CFAP91: variants seen among roughly 807,000 people sequenced by gnomAD.
The protein encoded by CFAP91 is cilia- and flagella-associated protein 91.
Under a neutral mutation model 95.9 loss-of-function variants are expected in CFAP91, and 85 were observed. The observed-to-expected ratio is 0.89, with a 90% CI of 0.74 to 1.06. CFAP91 has a LOEUF of 1.06. Ranked by LOEUF, CFAP91 falls within the 50% of genes least tolerant of loss-of-function variation. The pLI is 0.00. For missense variants in CFAP91, 962 were observed against 943.4 expected (o/e 1.02, Z -0.26); for synonymous variants, 335 against 327.5 (o/e 1.02, Z -0.25).
At chr3:119,753,281 G>A (rs1375729472) in intron 17 of CFAP91, among the ~76,000 whole-genome samples, 1 of 152,108 alleles carries the variant, frequency 6.6e-6, no homozygotes, top group Non-Finnish European at 1.5e-5. Context: ...CAAGGTTGGG[G>A]CCCTGGTAAA....
chr3:119,728,007 GATGATA>G (rs972316711), intron 7 of CFAP91, among the ~76,000 whole-genome samples: 85 of 149,124 alleles, frequency 5.7e-4, no homozygotes, highest in African/African-American at 2.0e-3. Context: ...TCAGATTGAT[GATGATA>G]ATGATGATGA....
intron 10 of CFAP91, among the ~76,000 whole-genome samples, chr3:119,734,083 A>T (rs530048251): frequency 3.7e-4 from 57 of 152,210 alleles, no homozygotes; most frequent in African/African-American, 1.3e-3. Context: ...ACTTGTTAAG[A>T]CACATGCAGC....
In CFAP91 at chr3:119,715,673, A is replaced by C. The variant is rs199907538; in HGVS notation, c.612A>C (p.Pro204=). 1.2e-6 allele frequency: 2 copies of C among 1,613,996 alleles called. No individual in the cohort carries two copies. The highest frequency in any genetic ancestry group is 2.2e-5 in the East Asian group (1 of 44,884). The change falls in exon 6 of 18, where the codon CCA becomes CCC. Residue 204 remains proline, a synonymous_variant. Coordinates refer to ENST00000273390, the MANE Select transcript of CFAP91 (RefSeq NM_033364.4). ...GGGATGCTGACGTTCAAACAGATCC[A>C]TACTCTGCAGAATATGTAGTATGTC... ...DYRDADVQTD[P]YSAEYVVCQD...
At chr3:119,740,822 ACT>A in intron 13 of CFAP91, 127 bp downstream of exon 13, 1 of 936,334 alleles carries the variant, frequency 1.1e-6, no homozygotes, top group Non-Finnish European at 1.6e-6. Context: ...CAATCCCATC[ACT>A]CTGTCAGCAT....
At chr3:119,714,941 T>G (rs2053546135) in intron 5 of CFAP91, among the ~76,000 whole-genome samples, 1 of 152,216 alleles carries the variant, frequency 6.6e-6, no homozygotes, top group Non-Finnish European at 1.5e-5. Context: ...TATAGTCTCA[T>G]TTTTACATTA....
chr3:119,741,992 T>G (rs9870607), intron 13 of CFAP91, among the ~76,000 whole-genome samples: 2,411 of 151,998 alleles, frequency 0.016, 59 homozygotes, highest in African/African-American at 0.055. Flanking sequence ...AGTCCTAGAG[T>G]CCTGGAAAAG....
intron 5 of CFAP91, chr3:119,713,248 T>C (rs544091550): frequency 6.6e-6 from 1 of 151,790 alleles, no homozygotes; most frequent in South Asian, 2.1e-4. Flanking sequence ...GCCTCCCAAG[T>C]AGCTGGGATT....
intron 7 of CFAP91, among the ~76,000 whole-genome samples, chr3:119,727,245 A>T (rs2053800587): frequency 6.6e-6 from 1 of 152,158 alleles, no homozygotes; most frequent in East Asian, 1.9e-4. Flanking sequence ...AATATGTTAA[A>T]TTTTTTGCAA....
chr3:119,715,998 A>G (rs2053567428), intron 6 of CFAP91: 18 of 590,758 alleles, frequency 3.0e-5, no homozygotes, highest in Middle Eastern at 4.4e-4. Flanking sequence ...TGCTTTGCTG[A>G]CTACTCACCT....
intron 5 of CFAP91, among the ~76,000 whole-genome samples, chr3:119,713,469 A>G (rs2053514360): frequency 6.6e-6 from 1 of 150,842 alleles, no homozygotes; most frequent in Admixed American, 6.6e-5. Context: ...GTGCTCGTAT[A>G]TAAGCTCTTA....
At chr3:119,752,186 T>C (rs2054338945) in intron 17 of CFAP91, 1 of 152,034 alleles carries the variant, frequency 6.6e-6, no homozygotes, top group Admixed American at 6.6e-5. Context: ...AACCATCAGG[T>C]TGGGGAGAGT....
chr3:119,730,200 G>A lies in CFAP91; in HGVS notation c.861-20G>A. On this transcript the variant is annotated intron_variant, in intron 7 of 17. Coordinates refer to ENST00000273390, the MANE Select transcript of CFAP91 (RefSeq NM_033364.4). The stretch of plus-strand genomic sequence containing the variant: ...TTTGAGATGCCATATGCTTCTTTAT[G>A]TTTTGTAATTTACTTGAAGACTGCA... 1 of 1,609,564 alleles carries A rather than the reference G, an allele frequency of 6.2e-7. No homozygotes were observed. Among genetic ancestry groups the A allele is most frequent in the South Asian group, 1.1e-5 (1 of 90,268 alleles).
intron 10 of CFAP91, among the ~76,000 whole-genome samples, chr3:119,735,160 G>A (rs779925937): frequency 1.3e-5 from 2 of 151,894 alleles, no homozygotes; most frequent in Non-Finnish European, 2.9e-5. Flanking sequence ...CAAGTTTACT[G>A]AAGGCTTGCT....
At chr3:119,707,354 G>T in intron 2 of CFAP91, 50 bp from the exon 3 acceptor site, 1 of 1,342,588 alleles carries the variant, frequency 7.4e-7, no homozygotes, top group Non-Finnish European at 1.0e-6. Context: ...AAATGCTTTA[G>T]AAAAGCTGAT....
chr3:119,736,569 C>T (rs950809690), intron 10 of CFAP91, among the ~76,000 whole-genome samples: 1 of 152,146 alleles, frequency 6.6e-6, no homozygotes, highest in Non-Finnish European at 1.5e-5. Context: ...AGCCACCGCG[C>T]CCGGCCTATT....
At chr3:119,745,547 T>C (rs530400917) in intron 14 of CFAP91, among the ~76,000 whole-genome samples, 6 of 152,348 alleles carry the variant, frequency 3.9e-5, no homozygotes, top group Admixed American at 6.5e-5. Flanking sequence ...TATAAAGATA[T>C]ACATAAACAC....
intron 6 of CFAP91, among the ~76,000 whole-genome samples, chr3:119,719,063 G>A (rs1466776955): frequency 1.3e-5 from 2 of 152,132 alleles, no homozygotes; most frequent in East Asian, 3.8e-4. Flanking sequence ...ATGGATGAAT[G>A]AAATATAGTC....
At chr3:119,710,476 C>G (rs1559746729) in intron 5 of CFAP91, 1 of 152,188 alleles carries the variant, frequency 6.6e-6, no homozygotes, top group Non-Finnish European at 1.5e-5. Context: ...AGGGTGGAGT[C>G]CTCGTGACTT....
chr3:119,715,759 T>C lies in CFAP91; in HGVS notation c.682+16T>C. 6.2e-7 allele frequency: 1 copy of C among 1,610,400 alleles called. No homozygotes were observed. Among genetic ancestry groups the C allele is most frequent in the Non-Finnish European group, 8.5e-7 (1 of 1,176,608 alleles). On this transcript the variant is annotated intron_variant, in intron 6 of 17. Transcript: ENST00000273390. ...CTTACTTGGGGTGAGTTGGTAAATC[T>C]CCTGACTATTGGCAGATGACGATGC...
Sources: allele counts gnomAD v4.1 joint callset (sites outside exome capture counted in the v4.1 genomes callset), GRCh38; gene constraint gnomAD v4.1.1; transcripts MANE v1.5; gene names NCBI Gene and HGNC (gene_info 2026-07-23, HGNC 2026-07-21).